The following KRT83 variants were observed in gnomAD, a reference collection of about 807,000 sequenced individuals.
KRT83 encodes keratin, type II cuticular Hb3.
KRT83 carries 51 observed loss-of-function variants against 52.9 expected under a neutral mutation model. The ratio of observed to expected loss-of-function variants is 0.96; its 90% CI spans 0.77 to 1.22. The LOEUF (loss-of-function observed/expected upper bound fraction) is 1.22. Among genes scored for constraint, KRT83 ranks in the 50% most tolerant of loss-of-function variants. KRT83 has a pLI of 0.00. For missense variants in KRT83, 654 were observed against 666.5 expected (o/e 0.98, Z 0.21); for synonymous variants, 278 against 274.1 (o/e 1.01, Z -0.14).
Position 52,319,304 on chromosome 12 carries a change from G to A in KRT83, c.445C>T (p.Arg149Cys), listed in dbSNP as rs2857663. The A allele has an allele frequency of 0.12, 192,156 of 1,614,004 alleles. 12,295 individuals carry two copies. Among genetic ancestry groups the A allele is most frequent in the South Asian group, 0.2 (17,854 of 91,074 alleles). Residue 149 changes from arginine (R) to cysteine (C), a missense_variant, in exon 2 of 9, where the codon CGC (arginine) becomes TGC (cysteine). Arg to Cys is a radical substitution (Grantham distance 180). Coordinates refer to ENST00000293670, the MANE Select transcript of KRT83 (RefSeq NM_002282.3). Reference sequence around the variant, plus strand: ...TCCAGGTTACTCTGGCAGCACTCGCGGTTTTGGTAGAACTGCAGCTTTGTC... The same window carrying A: ...TCCAGGTTACTCTGGCAGCACTCGCAGTTTTGGTAGAACTGCAGCTTTGTC... Reference protein sequence around the residue: ...LETKLQFYQNRECCQSNLEPL... With the variant: ...LETKLQFYQNCECCQSNLEPL...
intron 4 of KRT83, 102 bp downstream of exon 4, chr12:52,317,579 G>GT: frequency 1.5e-6 from 2 of 1,323,314 alleles, no homozygotes. Flanking sequence ...GTGAGCCTGG[G>GT]TTCATATGTC....
At position 52,315,949 on chromosome 12, in the gene KRT83, T is replaced by C. The variant is rs1396182530; in HGVS notation, c.1206A>G (p.Leu402=). The change falls in exon 7 of 9, where the codon CTA becomes CTG. Residue 402 remains leucine (L), a synonymous_variant. Coordinates refer to ENST00000293670, the MANE Select transcript of KRT83 (RefSeq NM_002282.3). ...REYQEVMNSK[L]GLDIEIATYR... ...AGGTGGCGATCTCGATATCCAGGCCTAGCTTGGAGTTCATCACCTCCTGGT... is the reference window on the plus strand; with the variant it reads ...AGGTGGCGATCTCGATATCCAGGCCCAGCTTGGAGTTCATCACCTCCTGGT... The C allele has an allele frequency of 5.6e-6, 9 of 1,612,770 alleles. No individual in the cohort carries two copies. The highest frequency in any genetic ancestry group is 2.7e-5 in the African/African-American group (2 of 74,880).
At chr12:52,315,371 A>G (rs1338507044) in intron 7 of KRT83, 28 bp from the exon 8 acceptor site, 1 of 1,611,888 alleles carries the variant, frequency 6.2e-7, no homozygotes, top group Non-Finnish European at 8.5e-7. Context: ...AAGGAAGGGG[A>G]AGATAAAAGA....
chr12:52,315,266 T>C (rs745698011), intron 8 of KRT83, 46 bp downstream of exon 8: 1 of 1,592,318 alleles, frequency 6.3e-7, no homozygotes, highest in Non-Finnish European at 8.6e-7. Flanking sequence ...CAAGAAGTCC[T>C]TTGTCCCCAG....
rs2121335659 is a variant in KRT83 at position 52,314,630 on chromosome 12, C to T, written c.*1G>A. 1 of 1,561,638 alleles carries T rather than the reference C, an allele frequency of 6.4e-7. No individual in the cohort carries two copies. Among genetic ancestry groups the T allele is most frequent in the East Asian group, 2.4e-5 (1 of 42,336 alleles). ...GCTCCCCTGGCTCTCTTTTGGGCCA[C>T]TTAATGCCTCCCCTGGCCGCAGGAG... On this transcript the variant is annotated 3_prime_UTR_variant, in exon 9 of 9. Coordinates refer to ENST00000293670, the MANE Select transcript of KRT83 (RefSeq NM_002282.3).
At chr12:52,315,252 T>C (rs1938668340) in intron 8 of KRT83, 60 bp downstream of exon 8, 1 of 1,522,966 alleles carries the variant, frequency 6.6e-7, no homozygotes, top group East Asian at 2.3e-5. Context: ...CATATATTCA[T>C]AGTCAAGAAG....
intron 8 of KRT83, 132 bp from the exon 9 acceptor site, chr12:52,314,950 G>GT: frequency 1.4e-5 from 13 of 962,316 alleles, no homozygotes; most frequent in Non-Finnish European, 2.1e-5. Flanking sequence ...TTCTGAAGGA[G>GT]GGAACCCTAG....
intron 6 of KRT83, 44 bp downstream of exon 6, chr12:52,316,424 C>A (rs777933385): frequency 1.9e-6 from 3 of 1,613,610 alleles, no homozygotes; most frequent in African/African-American, 2.7e-5. Flanking sequence ...CGAGGGCTAA[C>A]CCCAGTCTCT....
Position 52,314,416 on chromosome 12 carries a change from G to T in KRT83, c.*215C>A. 1.6e-6 allele frequency: 1 copy of T among 618,312 alleles called. No individual in the cohort carries two copies. Among genetic ancestry groups the T allele is most frequent in the South Asian group, 1.9e-5 (1 of 54,050 alleles). The allele number at this position is 618,312 out of a possible 1,614,324, so 38.3% of individuals were successfully genotyped here. A position where few individuals can be genotyped will look rare whatever the true frequency, so the allele number is the denominator to read the frequency against. On this transcript the variant is annotated 3_prime_UTR_variant, in exon 9 of 9. Coordinates refer to ENST00000293670, the MANE Select transcript of KRT83 (RefSeq NM_002282.3). ...CCCTTCTCCCCGGGAGGGGCTGAAG[G>T]CTGAGACAGGGGAAGGAATGGGTCT...
chr12:52,315,489 C>A, intron 7 of KRT83, 146 bp from the exon 8 acceptor site: 1 of 893,722 alleles, frequency 1.1e-6, no homozygotes, highest in Non-Finnish European at 1.9e-6. Context: ...AGTTGCCTTT[C>A]TGGCAGTTGA....
Position 52,321,107 on chromosome 12 carries a change from C to T in KRT83, c.229G>A (p.Gly77Arg), listed in dbSNP as rs774021555. 4.3e-6 allele frequency: 7 copies of T among 1,612,294 alleles called. No homozygotes were observed. The highest frequency in any genetic ancestry group is 3.3e-5 in the Admixed American group (2 of 60,028). The change falls in exon 1 of 9, where the codon GGA (glycine) becomes AGA (arginine). Residue 77 changes from glycine (G) to arginine (R), a missense_variant. Gly to Arg is a moderately radical substitution (Grantham distance 125). Transcript: ENST00000293670. ...GTGGTGATGCATGGGGGGCTGGGTC[C>T]GCACACGCCCCCGGAGCGGTAGCCG... ...SFGYRSGGVC[G>R]PSPPCITTVS...
At position 52,316,463 on chromosome 12, in the gene KRT83, G is replaced by A. The variant is rs377435485; in HGVS notation, c.1041+5C>T. 2.7e-5 allele frequency: 43 copies of A among 1,613,878 alleles called. No individual in the cohort carries two copies. The highest frequency in any genetic ancestry group is 1.6e-4 in the Middle Eastern group (1 of 6,082). On this transcript the variant is annotated splice_donor_5th_base_variant and intron_variant, in intron 6 of 8. Transcript: ENST00000293670. ...TACACTGAGGGGTGGGCCGGGCTCT[G>A]GTACCTGGCACTTGGCATTCTCCAC...
intron 7 of KRT83, 73 bp from the exon 8 acceptor site, chr12:52,315,416 C>A: frequency 6.9e-6 from 10 of 1,440,354 alleles, no homozygotes; most frequent in Non-Finnish European, 9.8e-6. Flanking sequence ...CCGCTAGGTG[C>A]TGAAATGGGT....
rs752717669 is a variant in KRT83 at position 52,319,373 on chromosome 12, C to G, written c.385-9G>C. 7 of 1,613,692 alleles carry G rather than the reference C, an allele frequency of 4.3e-6. No individual in the cohort carries two copies. The African/African-American group carries it at 9.3e-5, about 22-fold the overall frequency. On this transcript the variant is annotated splice_polypyrimidine_tract_variant and intron_variant, in intron 1 of 8. Coordinates refer to ENST00000293670, the MANE Select transcript of KRT83 (RefSeq NM_002282.3). ...TGCTCCAGGAAGCGCACCTGCCACC[C>G]AGAGGCAGAGCCTAAGAACCTCTTC...
In KRT83 at chr12:52,316,579, C is replaced by G; in HGVS notation, c.930G>C (p.Lys310Asn). The change falls in exon 6 of 9, where the codon AAG becomes AAC. Residue 310 changes from lysine (K) to asparagine (N), a missense_variant. Coordinates refer to ENST00000293670, the MANE Select transcript of KRT83 (RefSeq NM_002282.3). ...TCTCCCCGTGCCTGATCACTGTGGC[C>G]TTCATCTCCTCACACTGCAGGAAGC... ...SWYRSKCEEMKATVIRHGETL... is the reference protein window; with the variant it reads ...SWYRSKCEEMNATVIRHGETL... 6.2e-7 allele frequency: 1 copy of G among 1,614,136 alleles called. No individual in the cohort carries two copies. The highest frequency in any genetic ancestry group is 8.5e-7 in the Non-Finnish European group (1 of 1,180,038).
At position 52,319,153 on chromosome 12, in the gene KRT83, C is replaced by T. The variant is rs1336092830; in HGVS notation, c.593+3G>A. 2 of 1,613,170 alleles carry T rather than the reference C, an allele frequency of 1.2e-6. No homozygotes were observed. Among genetic ancestry groups the T allele is most frequent in the South Asian group, 2.2e-5 (2 of 91,040 alleles). ...GCCCAGAACCCCTCCTGCCCACACT[C>T]ACTTCTTCTTGTAGCCCTCCAGCAC... is the stretch of plus-strand genomic sequence containing the variant. On this transcript the variant is annotated splice_donor_region_variant and intron_variant, in intron 2 of 8. Coordinates refer to ENST00000293670, the MANE Select transcript of KRT83 (RefSeq NM_002282.3).
intron 6 of KRT83, 43 bp downstream of exon 6, chr12:52,316,425 C>T: frequency 1.2e-6 from 2 of 1,613,808 alleles, no homozygotes; most frequent in South Asian, 1.1e-5. Context: ...GAGGGCTAAC[C>T]CCAGTCTCTT....
chr12:52,315,245 A>C, intron 8 of KRT83, 67 bp downstream of exon 8: 1 of 1,480,420 alleles, frequency 6.8e-7, no homozygotes, highest in Non-Finnish European at 9.4e-7. Context: ...GTCTCTGCAT[A>C]TATTCATAGT....
Position 52,321,146 on chromosome 12 carries a change from A to G in KRT83, c.190T>C (p.Cys64Arg). 1 of 1,612,434 alleles carries G rather than the reference A, an allele frequency of 6.2e-7. No homozygotes were observed. Among genetic ancestry groups the G allele is most frequent in the Non-Finnish European group, 8.5e-7 (1 of 1,179,756 alleles). The change falls in exon 1 of 9, where the codon TGC becomes CGC. Residue 64 changes from cysteine (C) to arginine (R), a missense_variant. Cys to Arg is a radical substitution (Grantham distance 180). Transcript: ENST00000293670. ...GAGCGGTAGCCGAAGCTGCGTCCGC[A>G]GGAGCCGGCGCGGAAGCCCCCGCAC... ...SVCGGFRAGS[C>R]GRSFGYRSGG...
Sources: allele counts gnomAD v4.1 joint callset, GRCh38; gene constraint gnomAD v4.1.1; transcripts MANE v1.5; gene names NCBI Gene and HGNC (gene_info 2026-07-23, HGNC 2026-07-21).